The following ARFGEF3 variants were observed in gnomAD, a reference collection of about 807,000 sequenced individuals.
The protein encoded by ARFGEF3 is ARFGEF family member 3.
In ARFGEF3, 96 loss-of-function variants were observed where a neutral mutation model predicts 221.7. The observed-to-expected ratio is 0.43, with a 90% CI of 0.37 to 0.51. The LOEUF is 0.51. Ranked by LOEUF, ARFGEF3 falls within the 20% of genes least tolerant of loss-of-function variation. ARFGEF3 has a pLI of 0.00. For missense variants in ARFGEF3, 2,410 were observed against 2,789.9 expected, an observed-to-expected ratio of 0.86 and a Z score of 3.07; for synonymous variants, 1,145 against 1,126.8, an observed-to-expected ratio of 1.02 and a Z score of -0.32.
In ARFGEF3 at chr6:138,229,792, A is replaced by G. The variant is rs963445764; in HGVS notation, c.360A>G (p.Leu120=). The G allele has an allele frequency of 3.7e-6, 6 of 1,613,266 alleles. No homozygotes were observed. The highest frequency in any genetic ancestry group is 1.7e-4 in the Middle Eastern group (1 of 6,058). ...CTCTCACCTTGTTAAAGGTTTTACT[A>G]TGCATCACCTACACGCCAACATTTG... ...DLQVEVMKVL[L]CITYTPTFDL... Residue 120 remains leucine (L), a synonymous_variant, in exon 5 of 34, where the codon CTA becomes CTG. Coordinates refer to ENST00000251691, the MANE Select transcript of ARFGEF3 (RefSeq NM_020340.5).
chr6:138,196,472 G>A (rs888134483), intron 2 of ARFGEF3, among the ~76,000 whole-genome samples: 28 of 152,144 alleles, frequency 1.8e-4, no homozygotes, highest in Admixed American at 1.6e-3. Flanking sequence ...AATGAAATAC[G>A]GAAGATAAAA....
Position 138,336,689 on chromosome 6 carries a change from C to T in ARFGEF3, c.*203C>T, listed in dbSNP as rs910722004. On this transcript the variant is annotated 3_prime_UTR_variant, in exon 34 of 34. Coordinates refer to ENST00000251691, the MANE Select transcript of ARFGEF3 (RefSeq NM_020340.5). The stretch of plus-strand genomic sequence containing the variant: ...AAGGTTTGTATCTAGATGACACAAA[C>T]GATATTCTGATTTTGCACATTATTA... 7 of 399,406 alleles carry T rather than the reference C, an allele frequency of 1.8e-5. No individual in the cohort carries two copies. The highest frequency in any genetic ancestry group is 8.1e-5 in the South Asian group (1 of 12,386). The allele number at this position is 399,406 out of a possible 1,614,324, so 24.7% of individuals were successfully genotyped here.
Position 138,192,346 on chromosome 6 carries a change from G to A in ARFGEF3, c.138-14696G>A, listed in dbSNP as rs1777320638. On this transcript the variant is annotated intron_variant, in intron 2 of 33. Coordinates refer to ENST00000251691, the MANE Select transcript of ARFGEF3 (RefSeq NM_020340.5). Reference sequence around the variant, plus strand: ...TACTAAAAATACAAAAATTTGCCAAGTATGATGGCAGGCACCTGTAATCCC... The same window carrying A: ...TACTAAAAATACAAAAATTTGCCAAATATGATGGCAGGCACCTGTAATCCC... 2.0e-5 allele frequency among the ~76,000 whole-genome samples: 3 copies of A among 152,290 alleles called. No homozygotes were observed. The South Asian group carries it at 6.2e-4, about 32-fold the overall frequency.
At chr6:138,247,420 T>TAGGTCATGTGTTC (rs1562366564) in intron 8 of ARFGEF3, among the ~76,000 whole-genome samples, 1 of 152,186 alleles carries the variant, frequency 6.6e-6, no homozygotes, top group Non-Finnish European at 1.5e-5. Context: ...CTGGTTTGGA[T>TAGGTCATGTGTTC]AGGTCATGTG....
chr6:138,310,914 C>T (rs9402970), intron 24 of ARFGEF3, among the ~76,000 whole-genome samples: 39,774 of 152,116 alleles, frequency 0.26, 5,859 homozygotes, highest in East Asian at 0.64. Flanking sequence ...TTTAGTGCCA[C>T]GCACTGGCAG....
intron 7 of ARFGEF3, among the ~76,000 whole-genome samples, chr6:138,244,949 A>G (rs1027895404): frequency 6.6e-6 from 1 of 152,172 alleles, no homozygotes; most frequent in Admixed American, 6.5e-5. Context: ...AGTGATTTTT[A>G]TTAATAAGAA....
intron 4 of ARFGEF3, 27 bp downstream of exon 4, chr6:138,210,068 C>T (rs940192568): frequency 9.3e-6 from 15 of 1,609,058 alleles, no homozygotes; most frequent in Middle Eastern, 1.8e-4. Flanking sequence ...CAAGAGTGTG[C>T]GTCACTGGGA....
intron 8 of ARFGEF3, among the ~76,000 whole-genome samples, chr6:138,247,837 T>G (rs1778513727): frequency 6.6e-6 from 1 of 152,242 alleles, no homozygotes; most frequent in Non-Finnish European, 1.5e-5. Flanking sequence ...CTTAAAAGAC[T>G]GGGAATGCCC....
intron 11 of ARFGEF3, among the ~76,000 whole-genome samples, chr6:138,262,187 CTTTTTTTTTT>C (rs11393341): frequency 7.8e-6 from 1 of 127,918 alleles, no homozygotes; most frequent in Admixed American, 8.0e-5. Context: ...ATGCAGACCA[CTTTTTTTTTT>C]TTTTTTTTTT....
chr6:138,194,774 G>A (rs549452872), intron 2 of ARFGEF3, among the ~76,000 whole-genome samples: 1 of 152,242 alleles, frequency 6.6e-6, no homozygotes, highest in African/African-American at 2.4e-5. Context: ...AGAAGAAAAA[G>A]AGAAGCTATT....
At chr6:138,267,504 G>C (rs1195238144) in intron 12 of ARFGEF3, among the ~76,000 whole-genome samples, 1 of 152,202 alleles carries the variant, frequency 6.6e-6, no homozygotes, top group African/African-American at 2.4e-5. Flanking sequence ...TTAGCTCTCA[G>C]ATAACTTCTT....
chr6:138,162,008 A>T lies in ARFGEF3; in HGVS notation c.-79A>T. On this transcript the variant is annotated 5_prime_UTR_variant, in exon 1 of 34. Transcript: ENST00000251691. This position sits in a 1 kb window ranked among gnomAD's most constrained non-coding sequence, Gnocchi z 4.7. ...GGCGGCCGCCTAGGCGCCCAGGGCC[A>T]GGCAGCGGCGGCTTCCCCGGCCCGG... 9.8e-7 allele frequency: 1 copy of T among 1,017,242 alleles called. No homozygotes were observed. The highest frequency in any genetic ancestry group is 1.4e-6 in the Non-Finnish European group (1 of 726,570). 63.0% of individuals were successfully genotyped at this position (1,017,242 alleles called of 1,614,324 possible).
At position 138,258,329 on chromosome 6, in the gene ARFGEF3, A is replaced by G. The variant is rs1778723084; in HGVS notation, c.1104+2560A>G. 2.0e-5 allele frequency among the ~76,000 whole-genome samples: 3 copies of G among 152,210 alleles called. No individual in the cohort carries two copies. In the South Asian group the frequency reaches 6.2e-4, roughly 31 times the overall value. ...TTGCAACAGGCTAGATACCGCTGCC[A>G]CTTCACATTAGCTTATTTACAAACT... is the stretch of plus-strand genomic sequence containing the variant. On this transcript the variant is annotated intron_variant, in intron 10 of 33. Coordinates refer to ENST00000251691, the MANE Select transcript of ARFGEF3 (RefSeq NM_020340.5).
rs565207623 is a variant in ARFGEF3, at chr6:138,254,418, C to CA, written c.770+449dup. Among the ~76,000 whole-genome samples, 771 of 106,016 alleles carry CA rather than the reference C, an allele frequency of 7.3e-3. 8 individuals are homozygous for CA. The highest frequency in any genetic ancestry group is 0.043 in the East Asian group (169 of 3,898). 69.6% of individuals were successfully genotyped at this position (106,016 alleles called of 152,430 possible). Reference sequence around the variant, plus strand: ...TGGGTGACAGAGCAAGACTCTGTCCCAAAAAAAAAAAAAAATTAAATAATA... The same window carrying CA: ...TGGGTGACAGAGCAAGACTCTGTCCCAAAAAAAAAAAAAAAATTAAATAATA... On this transcript the variant is annotated intron_variant, in intron 9 of 33. Transcript: ENST00000251691.
At chr6:138,287,475 G>A (rs748230110) in intron 17 of ARFGEF3, among the ~76,000 whole-genome samples, 1 of 152,216 alleles carries the variant, frequency 6.6e-6, no homozygotes, top group Non-Finnish European at 1.5e-5. Context: ...CTGTCATCTA[G>A]TCACTGGCTT....
At chr6:138,330,162 G>A (rs1016410637) in intron 32 of ARFGEF3, among the ~76,000 whole-genome samples, 7 of 152,214 alleles carry the variant, frequency 4.6e-5, no homozygotes, top group Non-Finnish European at 1.0e-4. Context: ...CCATCTGGAT[G>A]TGTACGTGCA....
In ARFGEF3 at chr6:138,195,423, A is replaced by C. The variant is rs140430046; in HGVS notation, c.138-11619A>C. On this transcript the variant is annotated intron_variant, in intron 2 of 33. Coordinates refer to ENST00000251691, the MANE Select transcript of ARFGEF3 (RefSeq NM_020340.5). ...CCCAAAAGGCAAAGTGTTGGGGGAA[A>C]GTTCTTTCCAATCTCTCCCCCTCTC... Among the ~76,000 whole-genome samples the C allele has an allele frequency of 1.6e-4, 25 of 152,332 alleles. No individual in the cohort carries two copies. The East Asian group carries it at 4.6e-3, about 28-fold the overall frequency.
In ARFGEF3 at chr6:138,213,122, A is replaced by T. The variant is rs144175027; in HGVS notation, c.351+3081A>T. On this transcript the variant is annotated intron_variant, in intron 4 of 33. Coordinates refer to ENST00000251691, the MANE Select transcript of ARFGEF3 (RefSeq NM_020340.5). The stretch of plus-strand genomic sequence containing the variant: ...GCTAACATGGTGAAACCCCTTCTCT[A>T]CTAAAAATACAAAAAATTAGCCGGG... 7.8e-3 allele frequency among the ~76,000 whole-genome samples: 1,179 copies of T among 152,008 alleles called. 11 individuals are homozygous for T. Among genetic ancestry groups the T allele is most frequent in the African/African-American group, 0.026 (1,078 of 41,430 alleles).
At chr6:138,269,829 G>A (rs1050926544) in intron 12 of ARFGEF3, among the ~76,000 whole-genome samples, 1 of 151,996 alleles carries the variant, frequency 6.6e-6, no homozygotes, top group Non-Finnish European at 1.5e-5. Context: ...AAAAAAAAAG[G>A]CAATATTACT....
Sources: gnomAD v4.1 joint callset for allele counts (sites outside exome capture counted in the v4.1 genomes callset) on GRCh38, gnomAD v4.1.1 for gene constraint, Gnocchi (gnomAD v3.1) non-coding constraint, MANE v1.5 for transcripts, NCBI Gene and HGNC (gene_info 2026-07-23, HGNC 2026-07-21) for gene names.